The following ELAPOR2 variants were observed in gnomAD, a reference collection of about 807,000 sequenced individuals.
The protein encoded by ELAPOR2 is endosome/lysosome-associated apoptosis and autophagy regulator family member 2.
ELAPOR2 carries 89 observed loss-of-function variants against 120.7 expected under a neutral mutation model. The observed-to-expected ratio is 0.74, with a 90% CI of 0.62 to 0.88. ELAPOR2 has a LOEUF of 0.88. Ranked by LOEUF, ELAPOR2 falls within the 40% of genes least tolerant of loss-of-function variation. The probability of loss-of-function intolerance (pLI) is 0.00; values close to 1 mark genes in which losing one functional copy is unlikely to be tolerated. For missense variants in ELAPOR2, 1,134 were observed against 1,251.6 expected (o/e 0.91, Z 1.42); for synonymous variants, 444 against 444.9 (o/e 1.00, Z 0.03).
chr7:86,940,713 A>C (rs2116340801), intron 5 of ELAPOR2, among the ~76,000 whole-genome samples: 1 of 152,134 alleles, frequency 6.6e-6, no homozygotes, highest in East Asian at 1.9e-4. Context: ...TTTCTCATAA[A>C]TTTCATGTTC....
intron 8 of ELAPOR2, 51 bp from the exon 9 acceptor site, chr7:86,926,967 T>G (rs1011144029): frequency 4.3e-6 from 6 of 1,394,610 alleles, no homozygotes; most frequent in South Asian, 1.8e-5. Context: ...AACATGCTTA[T>G]AACAAAAATC....
intron 19 of ELAPOR2, among the ~76,000 whole-genome samples, chr7:86,896,865 CTAA>C (rs1217529468): frequency 6.6e-6 from 1 of 152,002 alleles, no homozygotes; most frequent in Non-Finnish European, 1.5e-5. Context: ...TAATCTCTTT[CTAA>C]TAATAAACTA....
intron 1 of ELAPOR2, among the ~76,000 whole-genome samples, chr7:87,003,621 T>A (rs1428263254): frequency 6.6e-6 from 1 of 152,082 alleles, no homozygotes; most frequent in African/African-American, 2.4e-5. Flanking sequence ...GAACTGTGAG[T>A]CAATTAAGCC....
intron 1 of ELAPOR2, among the ~76,000 whole-genome samples, chr7:86,992,050 C>T (rs941412446): frequency 6.6e-6 from 1 of 152,166 alleles, no homozygotes; most frequent in East Asian, 1.9e-4. Flanking sequence ...ACATCATATG[C>T]TTTTTCCAAT....
chr7:87,055,799 C>T (rs753812042), intron 1 of ELAPOR2, among the ~76,000 whole-genome samples: 55 of 152,094 alleles, frequency 3.6e-4, no homozygotes, highest in Non-Finnish European at 6.3e-4. Flanking sequence ...TTACTAATTT[C>T]ATATCTGACA....
intron 2 of ELAPOR2, among the ~76,000 whole-genome samples, chr7:86,953,798 C>T (rs1337950356): frequency 6.6e-6 from 1 of 152,096 alleles, no homozygotes; most frequent in South Asian, 2.1e-4. Flanking sequence ...AACAGAAAGA[C>T]CTTATTTGCC....
intron 1 of ELAPOR2, among the ~76,000 whole-genome samples, chr7:87,009,985 CGAAA>C (rs72243720): frequency 0.38 from 56,923 of 151,256 alleles, 11,470 homozygotes; most frequent in African/African-American, 0.52. Flanking sequence ...AAACTCATTA[CGAAA>C]GAAAGAAAGA....
At chr7:87,045,897 A>G (rs1035892666) in intron 1 of ELAPOR2, among the ~76,000 whole-genome samples, 5 of 152,200 alleles carry the variant, frequency 3.3e-5, no homozygotes, top group Middle Eastern at 3.4e-3. Context: ...TCTTGAACAC[A>G]ACAAGAATGC....
intron 18 of ELAPOR2, among the ~76,000 whole-genome samples, chr7:86,900,593 C>CTA (rs1188617768): frequency 2.6e-5 from 4 of 152,170 alleles, no homozygotes; most frequent in African/African-American, 9.7e-5. Context: ...TGTCAAAACA[C>CTA]TATAGTGCCT....
At chr7:87,042,988 C>T (rs566274479) in intron 1 of ELAPOR2, among the ~76,000 whole-genome samples, 3 of 152,238 alleles carry the variant, frequency 2.0e-5, no homozygotes, top group East Asian at 1.9e-4. Context: ...AACACCTCTA[C>T]ACAAATAAAC....
intron 1 of ELAPOR2, among the ~76,000 whole-genome samples, chr7:87,035,708 G>T (rs955888020): frequency 1.3e-5 from 2 of 151,946 alleles, no homozygotes; most frequent in Non-Finnish European, 2.9e-5. Context: ...CAGAACTCAA[G>T]ACCCTCCATC....
intron 15 of ELAPOR2, 67 bp downstream of exon 15, chr7:86,912,005 C>T: frequency 2.0e-6 from 3 of 1,469,202 alleles, no homozygotes; most frequent in Non-Finnish European, 2.8e-6. Flanking sequence ...GGTCCATTAA[C>T]ACAGAAAATA....
chr7:86,994,970 T>C (rs1384031295), intron 1 of ELAPOR2, among the ~76,000 whole-genome samples: 1 of 152,156 alleles, frequency 6.6e-6, no homozygotes, highest in Non-Finnish European at 1.5e-5. Flanking sequence ...CTTTTTTATA[T>C]AACAAGAAAT....
chr7:87,012,523 T>C (rs1447004093), intron 1 of ELAPOR2, among the ~76,000 whole-genome samples: 5 of 152,198 alleles, frequency 3.3e-5, no homozygotes, highest in African/African-American at 7.2e-5. Context: ...TTATATCATA[T>C]CTCTCCTAAG....
chr7:86,934,815 A>C (rs1451175132), intron 8 of ELAPOR2, among the ~76,000 whole-genome samples: 1 of 151,978 alleles, frequency 6.6e-6, no homozygotes, highest in Non-Finnish European at 1.5e-5. Context: ...AACTTGGTCA[A>C]AACTGTACTC....
chr7:86,914,783 G>A lies in ELAPOR2; in HGVS notation c.1671C>T (p.Ile557=), dbSNP rs1789485583. 1 of 1,612,644 alleles carries A rather than the reference G, an allele frequency of 6.2e-7. No individual in the cohort carries two copies. The highest frequency in any genetic ancestry group is 1.1e-5 in the South Asian group (1 of 90,912). ...TAAATGTAAAAGTTGCATTCTTGAA[G>A]ATGATATGGGTGTAAGCTTGTTTTT... The part of the protein sequence containing the change: ...TKEKQAYTHI[I]FKNATFTFTW... Residue 557 remains isoleucine (I), a synonymous_variant, in exon 13 of 22, where the codon ATC becomes ATT. Coordinates refer to ENST00000450689, the MANE Select transcript of ELAPOR2 (RefSeq NM_001142749.3).
intron 19 of ELAPOR2, among the ~76,000 whole-genome samples, chr7:86,894,364 GTC>G (rs1788337324): frequency 6.6e-6 from 1 of 151,992 alleles, no homozygotes; most frequent in African/African-American, 2.4e-5. Flanking sequence ...ATCTCTAAGT[GTC>G]AATAATGACA....
intron 2 of ELAPOR2, among the ~76,000 whole-genome samples, chr7:86,955,962 A>G (rs1050845292): frequency 3.0e-4 from 46 of 151,878 alleles, no homozygotes; most frequent in African/African-American, 1.1e-3. Flanking sequence ...AAAAAACAAA[A>G]AAAAAAGGAA....
intron 8 of ELAPOR2, among the ~76,000 whole-genome samples, chr7:86,929,536 T>C (rs558870713): frequency 6.6e-6 from 1 of 152,044 alleles, no homozygotes; most frequent in South Asian, 2.1e-4. Context: ...TGCTGCCAAC[T>C]TGTATCTGAC....
Sources: gnomAD v4.1 joint callset for allele counts (sites outside exome capture counted in the v4.1 genomes callset) on GRCh38, gnomAD v4.1.1 for gene constraint, MANE v1.5 for transcripts, NCBI Gene and HGNC (gene_info 2026-07-23, HGNC 2026-07-21) for gene names.